Variants in COX10 observed in about 807,000 individuals in gnomAD.
The protein encoded by COX10 is cytochrome c oxidase assembly factor heme A:farnesyltransferase COX10.
COX10 carries 27 observed loss-of-function variants against 37.3 expected under a neutral mutation model. The ratio of observed to expected loss-of-function variants is 0.72; its 90% CI spans 0.53 to 1.00. COX10 has a LOEUF of 1.00. Among genes scored for constraint, COX10 ranks in the 50% least tolerant of loss-of-function variants. The pLI, the probability that COX10 is intolerant of heterozygous loss-of-function variation, is 0.00. For synonymous variants in COX10, 222 were observed against 229.1 expected, an observed-to-expected ratio of 0.97 and a Z score of 0.28; for missense variants, 475 against 563.2, an observed-to-expected ratio of 0.84 and a Z score of 1.59.
chr17:14,145,651 C>G (rs976056957), intron 4 of COX10, among the ~76,000 whole-genome samples: 3 of 152,092 alleles, frequency 2.0e-5, no homozygotes, highest in African/African-American at 7.2e-5. Context: ...TAACTTTATT[C>G]CTTGGACAGT....
chr17:14,105,353 T>G (rs1291235895), intron 4 of COX10, among the ~76,000 whole-genome samples: 1 of 152,174 alleles, frequency 6.6e-6, no homozygotes, highest in Non-Finnish European at 1.5e-5. Context: ...GATCTCTAAT[T>G]ATTTTTAAAG....
intron 6 of COX10, among the ~76,000 whole-genome samples, chr17:14,204,613 T>C (rs1906639228): frequency 6.6e-6 from 1 of 152,110 alleles, no homozygotes; most frequent in African/African-American, 2.4e-5. Flanking sequence ...TATCTCCTGA[T>C]TGGTCCTTCC....
intron 4 of COX10, among the ~76,000 whole-genome samples, chr17:14,106,631 T>TA (rs1915898789): frequency 6.6e-6 from 1 of 152,204 alleles, no homozygotes; most frequent in African/African-American, 2.4e-5. Context: ...GTCAGTGTGT[T>TA]AAAGTGCTCA....
rs937566744 is a variant in COX10, at chr17:14,076,792, G to C, written c.235G>C (p.Val79Leu). Residue 79 changes from valine (V) to leucine (L), a missense_variant, in exon 3 of 7, where the codon GTA becomes CTA. Val to Leu is a conservative substitution (Grantham distance 32). This residue lies in a region of COX10 where 242 missense variants were observed against 242.5 expected (regional missense o/e 1.00). Coordinates refer to ENST00000261643, the MANE Select transcript of COX10 (RefSeq NM_001303.4). ...NQQVRPKPEPVASPFLEKTSS... is the reference protein window; with the variant it reads ...NQQVRPKPEPLASPFLEKTSS... ...GCAAGTAAGACCCAAGCCAGAACCA[G>C]TAGCATCTCCTTTCCTTGAAAAAAC... is the stretch of plus-strand genomic sequence containing the variant. 1.9e-6 allele frequency: 3 copies of C among 1,614,176 alleles called. No homozygotes were observed. The highest frequency in any genetic ancestry group is 2.5e-6 in the Non-Finnish European group (3 of 1,180,038).
intron 5 of COX10, among the ~76,000 whole-genome samples, chr17:14,163,144 G>A (rs1905202460): frequency 6.6e-6 from 1 of 152,104 alleles, no homozygotes; most frequent in African/African-American, 2.4e-5. Flanking sequence ...CACCAGTATT[G>A]TTTCCACCAG....
At chr17:14,070,363 T>TA (rs1914990955) in intron 1 of COX10, among the ~76,000 whole-genome samples, 1 of 152,242 alleles carries the variant, frequency 6.6e-6, no homozygotes, top group African/African-American at 2.4e-5. Context: ...CAGTCTATAC[T>TA]TGTTTATTTA....
chr17:14,159,781 A>G, intron 4 of COX10, 96 bp from the exon 5 acceptor site: 3 of 908,346 alleles, frequency 3.3e-6, no homozygotes, highest in Admixed American at 4.3e-5. Flanking sequence ...CGAAATTAAA[A>G]TGAAGTTTAC....
chr17:14,141,964 C>A (rs1369092956), intron 4 of COX10, among the ~76,000 whole-genome samples: 1 of 152,142 alleles, frequency 6.6e-6, no homozygotes. Context: ...AATGTACTCA[C>A]ATAAGTTTTA....
intron 4 of COX10, among the ~76,000 whole-genome samples, chr17:14,105,269 T>C (rs1296817363): frequency 6.6e-6 from 1 of 152,154 alleles, no homozygotes; most frequent in African/African-American, 2.4e-5. Context: ...TATTCCATTT[T>C]ATGGATATGC....
chr17:14,185,951 C>T lies in COX10; in HGVS notation c.696-6038C>T, dbSNP rs182672197. The stretch of plus-strand genomic sequence containing the variant: ...AGTCGTTCAGTGGGAGAGGAGGGCC[C>T]GCTCTCTGCTTCTAATGTGCTCCAC... On this transcript the variant is annotated intron_variant, in intron 5 of 6. Coordinates refer to ENST00000261643, the MANE Select transcript of COX10 (RefSeq NM_001303.4). 7.0e-4 allele frequency among the ~76,000 whole-genome samples: 107 copies of T among 151,950 alleles called. 2 individuals are homozygous for T. Among genetic ancestry groups the T allele is most frequent in the Non-Finnish European group, 1.3e-3 (90 of 67,946 alleles).
intron 3 of COX10, among the ~76,000 whole-genome samples, chr17:14,095,640 T>C (rs1250402428): frequency 1.3e-5 from 2 of 152,230 alleles, no homozygotes; most frequent in African/African-American, 4.8e-5. Context: ...ATGATGTGTC[T>C]AGACACCCTG....
chr17:14,176,252 G>A (rs867899054), intron 5 of COX10, among the ~76,000 whole-genome samples: 2 of 151,912 alleles, frequency 1.3e-5, no homozygotes, highest in African/African-American at 4.8e-5. Flanking sequence ...TTGTTACAGT[G>A]CTATAGCTCT....
intron 4 of COX10, among the ~76,000 whole-genome samples, chr17:14,150,271 CAAAAAAAAAA>C (rs1445752953): frequency 7.3e-6 from 1 of 136,756 alleles, no homozygotes; most frequent in Non-Finnish European, 1.6e-5. Flanking sequence ...AACCCTGTCT[CAAAAAAAAAA>C]GGAAAAAAAA....
At chr17:14,092,984 A>G (rs778200620) in intron 3 of COX10, among the ~76,000 whole-genome samples, 1 of 152,192 alleles carries the variant, frequency 6.6e-6, no homozygotes, top group African/African-American at 2.4e-5. Context: ...AACCACATAC[A>G]AATTCATTAA....
intron 6 of COX10, among the ~76,000 whole-genome samples, chr17:14,193,324 C>T (rs921362128): frequency 6.6e-6 from 1 of 152,166 alleles, no homozygotes; most frequent in African/African-American, 2.4e-5. Flanking sequence ...GGCTAATAAT[C>T]TTCTCCCCTC....
chr17:14,090,825 C>G (rs7219323), intron 3 of COX10, among the ~76,000 whole-genome samples: 25,066 of 152,134 alleles, frequency 0.16, 2,148 homozygotes, highest in Non-Finnish European at 0.19. Context: ...AATGCCTGTT[C>G]ACTTTTCTGA....
At chr17:14,099,348 C>T (rs1475584862) in intron 3 of COX10, among the ~76,000 whole-genome samples, 3 of 152,082 alleles carry the variant, frequency 2.0e-5, no homozygotes, top group Non-Finnish European at 4.4e-5. Flanking sequence ...TTTGATTTAG[C>T]AATATCAAGA....
At chr17:14,122,436 C>A (rs1338545958) in intron 4 of COX10, among the ~76,000 whole-genome samples, 1 of 152,162 alleles carries the variant, frequency 6.6e-6, no homozygotes, top group East Asian at 1.9e-4. Context: ...TATCCACTTA[C>A]AGTTTATCAT....
chr17:14,070,772 A>T (rs2142177851), intron 1 of COX10, among the ~76,000 whole-genome samples: 1 of 152,296 alleles, frequency 6.6e-6, no homozygotes. Context: ...ATGTTATTTT[A>T]TGGCTGTCTT....
Sources: gnomAD v4.1 joint callset for allele counts (sites outside exome capture counted in the v4.1 genomes callset) on GRCh38, gnomAD v4.1.1 for gene constraint, gnomAD v4.1.1 regional missense constraint, MANE v1.5 for transcripts, NCBI Gene and HGNC (gene_info 2026-07-23, HGNC 2026-07-21) for gene names.